The following DIP2C variants were observed in gnomAD, a reference collection of about 807,000 sequenced individuals.
DIP2C encodes the protein DIP2 acetate--CoA ligase C (putative).
In DIP2C, 33 loss-of-function variants were observed where a neutral mutation model predicts 192.4. The ratio of observed to expected loss-of-function variants is 0.17; its 90% CI spans 0.13 to 0.23. The LOEUF (loss-of-function observed/expected upper bound fraction) is 0.23, where lower values mean the gene tolerates loss of function less well. Ranked by LOEUF, DIP2C falls within the 10% of genes least tolerant of loss-of-function variation. The pLI, the probability that DIP2C is intolerant of heterozygous loss-of-function variation, is 1.00. For missense variants in DIP2C, 1,537 were observed against 2,110.1 expected (o/e 0.73, Z 5.32); for synonymous variants, 979 against 864.1 (o/e 1.13, Z -2.33).
chr10:549,166 G>A (rs920021933), intron 1 of DIP2C, among the ~76,000 whole-genome samples: 49 of 152,184 alleles, frequency 3.2e-4, no homozygotes, highest in African/African-American at 9.4e-4. Context: ...CAAAATTCAC[G>A]TTCAAATTCA....
intron 1 of DIP2C, among the ~76,000 whole-genome samples, chr10:619,537 G>GCCCTCCCTCCCT (rs528029497): frequency 2.1e-3 from 109 of 51,386 alleles, no homozygotes; most frequent in African/African-American, 5.1e-3. Flanking sequence ...AAGCCCGCCC[G>GCCCTCCCTCCCT]CCCGCCCTCC....
chr10:444,364 G>A (rs977716263), intron 3 of DIP2C, among the ~76,000 whole-genome samples: 3 of 117,294 alleles, frequency 2.6e-5, no homozygotes, highest in Non-Finnish European at 4.7e-5. Flanking sequence ...ACGGCATAGT[G>A]TTCACTCAAG....
At chr10:308,600 A>C (rs1956432238) in intron 32 of DIP2C, among the ~76,000 whole-genome samples, 1 of 152,260 alleles carries the variant, frequency 6.6e-6, no homozygotes, top group African/African-American at 2.4e-5. Flanking sequence ...CAAGTTACCT[A>C]ATCTAAAACT....
intron 1 of DIP2C, among the ~76,000 whole-genome samples, chr10:618,192 G>A (rs545642453): frequency 5.5e-4 from 84 of 152,340 alleles, no homozygotes; most frequent in African/African-American, 1.9e-3. Context: ...AAAGCCTCAT[G>A]CATTTTTCTG....
rs575972192 is a variant in DIP2C at position 483,743 on chromosome 10, G to A, written c.157+2716C>T. On this transcript the variant is annotated intron_variant, in intron 2 of 36. Transcript: ENST00000280886. ...GGAGGAACGCAGTGGAGGCCAGGAG[G>A]CGAGGCGGGGTGTCCTCTTCTGAGA... Among the ~76,000 whole-genome samples the A allele has an allele frequency of 2.0e-5, 3 of 152,350 alleles. No homozygotes were observed. The East Asian group carries it at 5.8e-4, about 29-fold the overall frequency.
chr10:565,970 C>A (rs1849446264), intron 1 of DIP2C, among the ~76,000 whole-genome samples: 1 of 152,234 alleles, frequency 6.6e-6, no homozygotes, highest in Non-Finnish European at 1.5e-5. Context: ...CTGCTGGAGG[C>A]AGCACCTTGG....
intron 1 of DIP2C, among the ~76,000 whole-genome samples, chr10:533,317 G>A (rs1847521072): frequency 6.6e-6 from 1 of 152,112 alleles, no homozygotes; most frequent in African/African-American, 2.4e-5. Flanking sequence ...ACATCTAGCT[G>A]CCGGATTAAC....
intron 24 of DIP2C, among the ~76,000 whole-genome samples, chr10:354,935 A>C (rs1395089620): frequency 6.6e-6 from 1 of 151,916 alleles, no homozygotes; most frequent in Non-Finnish European, 1.5e-5. Context: ...GATGGGCAGG[A>C]AATCAAGACA....
At chr10:615,124 C>T (rs567718476) in intron 1 of DIP2C, among the ~76,000 whole-genome samples, 1 of 152,218 alleles carries the variant, frequency 6.6e-6, no homozygotes, top group Non-Finnish European at 1.5e-5. Flanking sequence ...TCCCGTGATT[C>T]CCACGACACA....
At chr10:515,980 T>G (rs886705320) in intron 1 of DIP2C, among the ~76,000 whole-genome samples, 1 of 151,774 alleles carries the variant, frequency 6.6e-6, no homozygotes, top group Non-Finnish European at 1.5e-5. Flanking sequence ...GCACTAAGAA[T>G]ATGTCTGTGC....
chr10:329,588 G>A lies in DIP2C; in HGVS notation c.3598C>T (p.His1200Tyr), dbSNP rs1190214732. 5 of 1,614,046 alleles carry A rather than the reference G, an allele frequency of 3.1e-6. No homozygotes were observed. In the East Asian group the frequency reaches 8.9e-5, roughly 29 times the overall value. ...GAGGGCGGGATCAGGATGGACTGGTGCCCAGAATACACACTGCAGAGAAAG... is the reference window on the plus strand; with the variant it reads ...GAGGGCGGGATCAGGATGGACTGGTACCCAGAATACACACTGCAGAGAAAG... ...LWCLCSVYSG[H>Y]QSILIPPSEL... is the part of the protein sequence containing the mutation. The change falls in exon 30 of 37, where the codon CAC (histidine) becomes TAC (tyrosine). Residue 1200 changes from histidine to tyrosine, a missense_variant. This residue lies in a region of DIP2C where 341 missense variants were observed against 551.7 expected (regional missense o/e 0.62). Coordinates refer to ENST00000280886, the MANE Select transcript of DIP2C (RefSeq NM_014974.3).
intron 29 of DIP2C, among the ~76,000 whole-genome samples, chr10:333,033 G>A (rs1232541903): frequency 6.6e-6 from 1 of 152,192 alleles, no homozygotes. Context: ...CTCCTGAGTA[G>A]CTGGGATGAC....
At chr10:607,555 C>G (rs997793179) in intron 1 of DIP2C, among the ~76,000 whole-genome samples, 2 of 152,192 alleles carry the variant, frequency 1.3e-5, no homozygotes, top group East Asian at 3.8e-4. Context: ...CTAAACTGTT[C>G]TGATAAACCC....
intron 1 of DIP2C, among the ~76,000 whole-genome samples, chr10:596,496 CAAAAAAAAAAAAAAAAAAAAAAA>C (rs56298679): frequency 1.9e-5 from 1 of 52,932 alleles, no homozygotes; most frequent in Non-Finnish European, 3.2e-5. Flanking sequence ...AACTCCATCT[CAAAAAAAAAAAAAAAAAAAAAAA>C]AAAAAAAGTA....
intron 17 of DIP2C, among the ~76,000 whole-genome samples, chr10:382,167 T>G (rs1026720863): frequency 2.6e-5 from 4 of 152,198 alleles, no homozygotes; most frequent in African/African-American, 9.7e-5. Context: ...AAATTTCACT[T>G]TCATTCACTC....
At chr10:564,807 G>GAA (rs769589569) in intron 1 of DIP2C, among the ~76,000 whole-genome samples, 2 of 151,920 alleles carry the variant, frequency 1.3e-5, no homozygotes, top group African/African-American at 4.8e-5. Context: ...TCCCATCTCA[G>GAA]AAAAAAACAC....
At chr10:670,283 C>T (rs1209070139) in intron 1 of DIP2C, among the ~76,000 whole-genome samples, 6 of 152,120 alleles carry the variant, frequency 3.9e-5, no homozygotes, top group Admixed American at 6.5e-5. Flanking sequence ...CATATACACA[C>T]GTACACATGC....
At chr10:387,272 T>G (rs1474322529) in intron 14 of DIP2C, among the ~76,000 whole-genome samples, 2 of 152,212 alleles carry the variant, frequency 1.3e-5, no homozygotes, top group Non-Finnish European at 2.9e-5. Flanking sequence ...CTCACACCAG[T>G]GGCTGCTGAC....
intron 1 of DIP2C, among the ~76,000 whole-genome samples, chr10:670,844 A>T (rs1022463068): frequency 6.6e-6 from 1 of 152,214 alleles, no homozygotes; most frequent in Non-Finnish European, 1.5e-5. Flanking sequence ...ATTTTGTACC[A>T]GTAATGGCTG....
Sources: gnomAD v4.1 joint callset for allele counts (sites outside exome capture counted in the v4.1 genomes callset) on GRCh38, gnomAD v4.1.1 for gene constraint, gnomAD v4.1.1 regional missense constraint, MANE v1.5 for transcripts, NCBI Gene and HGNC (gene_info 2026-07-23, HGNC 2026-07-21) for gene names.